XRN1: variants seen among roughly 807,000 people sequenced by gnomAD.
XRN1 encodes the protein 5'-3' exoribonuclease 1.
Under a neutral mutation model 222.3 loss-of-function variants are expected in XRN1, and 67 were observed. The ratio of observed to expected loss-of-function variants is 0.30; its 90% CI spans 0.25 to 0.37. XRN1 has a LOEUF of 0.37. XRN1 is among the 10% of genes least tolerant of loss of function. The pLI, the probability that XRN1 is intolerant of heterozygous loss-of-function variation, is 1.00. For synonymous variants in XRN1, 643 were observed against 652.4 expected (o/e 0.99, Z 0.22); for missense variants, 1,707 against 2,000.2 (o/e 0.85, Z 2.80).
At chr3:142,349,743 G>T (rs144930500) in intron 32 of XRN1, among the ~76,000 whole-genome samples, 1 of 152,140 alleles carries the variant, frequency 6.6e-6, no homozygotes, top group African/African-American at 2.4e-5. Context: ...TGCTCATCAG[G>T]TTAGGCTGCT....
At chr3:142,331,942 CTT>C (rs1286016891) in intron 36 of XRN1, among the ~76,000 whole-genome samples, 2 of 151,998 alleles carry the variant, frequency 1.3e-5, no homozygotes, top group Non-Finnish European at 2.9e-5. Context: ...ACCTAGCTAA[CTT>C]TTGTATTTTT....
intron 27 of XRN1, among the ~76,000 whole-genome samples, chr3:142,368,507 G>A (rs2066888505): frequency 6.6e-6 from 1 of 152,190 alleles, no homozygotes; most frequent in Admixed American, 6.5e-5. Flanking sequence ...CGTTGTATAT[G>A]TATCTTCCAT....
At chr3:142,315,877 A>G (rs1270019209) in intron 39 of XRN1, among the ~76,000 whole-genome samples, 3 of 152,200 alleles carry the variant, frequency 2.0e-5, no homozygotes, top group East Asian at 1.9e-4. Flanking sequence ...ACTGTTTTAG[A>G]TATTTCCACA....
intron 30 of XRN1, among the ~76,000 whole-genome samples, chr3:142,358,351 T>G (rs2066520163): frequency 6.6e-6 from 1 of 152,210 alleles, no homozygotes; most frequent in Non-Finnish European, 1.5e-5. Context: ...CTTCTCTTGT[T>G]AAGTTTTCAA....
chr3:142,354,756 C>G (rs1033688729), intron 32 of XRN1, among the ~76,000 whole-genome samples: 4 of 152,084 alleles, frequency 2.6e-5, no homozygotes, highest in Non-Finnish European at 5.9e-5. Flanking sequence ...GTCTCGAACT[C>G]CTGACCTCCA....
chr3:142,430,415 G>A (rs2069472601), intron 2 of XRN1, among the ~76,000 whole-genome samples: 1 of 152,094 alleles, frequency 6.6e-6, no homozygotes, highest in African/African-American at 2.4e-5. Flanking sequence ...AAATACCAGG[G>A]GAGTATGGTA....
intron 40 of XRN1, among the ~76,000 whole-genome samples, 178 bp from the exon 41 acceptor site, chr3:142,311,991 A>G (rs1321934193): frequency 6.6e-6 from 1 of 152,184 alleles, no homozygotes; most frequent in Non-Finnish European, 1.5e-5. Flanking sequence ...CAAACAAAAT[A>G]TTTAAAATTC....
chr3:142,345,311 T>C (rs1382134256), intron 33 of XRN1, among the ~76,000 whole-genome samples: 1 of 152,146 alleles, frequency 6.6e-6, no homozygotes, highest in East Asian at 1.9e-4. Flanking sequence ...AGTAGTCTTT[T>C]TAACAAACAA....
rs561495063 is a variant in XRN1 at position 142,312,896 on chromosome 3, A to T, written c.4622-138T>A. The T allele has an allele frequency of 8.4e-6, 8 of 954,956 alleles. No individual in the cohort carries two copies. In the African/African-American group the frequency reaches 1.2e-4, roughly 14 times the overall value. The allele number at this position is 954,956 out of a possible 1,614,324, so 59.2% of individuals were successfully genotyped here. ...AAGGCCTACACTTACTTCACCTATA[A>T]TTACTCTTCCTTACAACATTCAACC... is the stretch of plus-strand genomic sequence containing the variant. On this transcript the variant is annotated intron_variant, in intron 39 of 40. Coordinates refer to ENST00000392981, the MANE Select transcript of XRN1 (RefSeq NM_001282857.2).
chr3:142,441,868 G>A (rs1051436834), intron 1 of XRN1, among the ~76,000 whole-genome samples: 7 of 152,192 alleles, frequency 4.6e-5, no homozygotes, highest in African/African-American at 9.7e-5. Context: ...AGGTTCCCTT[G>A]ACGGATCCTG....
intron 1 of XRN1, among the ~76,000 whole-genome samples, chr3:142,441,470 T>C: frequency 6.6e-6 from 1 of 152,196 alleles, no homozygotes; most frequent in Admixed American, 6.5e-5. Context: ...TAGGAGTCCT[T>C]ACACAGGTCC....
chr3:142,332,647 G>C, intron 35 of XRN1, 113 bp from the exon 36 acceptor site: 1 of 1,004,824 alleles, frequency 1.0e-6, no homozygotes, highest in Non-Finnish European at 1.4e-6. Context: ...TAACAATTAA[G>C]ACATTAACTA....
At chr3:142,405,937 G>A (rs945376766) in intron 15 of XRN1, among the ~76,000 whole-genome samples, 1 of 151,912 alleles carries the variant, frequency 6.6e-6, no homozygotes, top group African/African-American at 2.4e-5. Flanking sequence ...CAGCCTTAAG[G>A]GGAAAGACAT....
At position 142,370,527 on chromosome 3, in the gene XRN1, T is replaced by C. The variant is rs772895207; in HGVS notation, c.3162A>G (p.Ala1054=). 1 of 1,607,682 alleles carries C rather than the reference T, an allele frequency of 6.2e-7. No homozygotes were observed. The highest frequency in any genetic ancestry group is 1.1e-5 in the South Asian group (1 of 89,524). Residue 1054 remains alanine, a synonymous_variant, in exon 27 of 41, where the codon GCA becomes GCG. Transcript: ENST00000392981. ...CTTCCTCAATTTTCTCAACAATAGC[T>C]GCATCCAGAATTTGTAAATCACAAG... is the stretch of plus-strand genomic sequence containing the variant. ...RSSCDLQILD[A]AIVEKIEEEV...
At chr3:142,411,968 G>T (rs534436933) in intron 15 of XRN1, among the ~76,000 whole-genome samples, 1 of 151,794 alleles carries the variant, frequency 6.6e-6, no homozygotes. Context: ...GACTACAGGC[G>T]CCCGCCACCT....
intron 37 of XRN1, among the ~76,000 whole-genome samples, chr3:142,324,253 C>T (rs185037810): frequency 1.6e-5 from 2 of 122,860 alleles, no homozygotes; most frequent in African/African-American, 6.0e-5. Flanking sequence ...CCCCTCCCCC[C>T]ACCCACAACA....
chr3:142,365,245 T>A, intron 28 of XRN1, 65 bp downstream of exon 28: 1 of 1,579,990 alleles, frequency 6.3e-7, no homozygotes, highest in Non-Finnish European at 8.6e-7. Context: ...ACTGAAAACA[T>A]CTTTGCTCCT....
intron 13 of XRN1, among the ~76,000 whole-genome samples, 181 bp downstream of exon 13, chr3:142,416,959 G>A (rs896376015): frequency 2.7e-5 from 4 of 150,434 alleles, no homozygotes; most frequent in African/African-American, 4.9e-5. Context: ...AACCCAGGAG[G>A]CGGAGATTGC....
In XRN1 at chr3:142,403,679, C is replaced by T; in HGVS notation, c.2098G>A (p.Glu700Lys). 5.0e-6 allele frequency: 8 copies of T among 1,612,166 alleles called. No individual in the cohort carries two copies. Among genetic ancestry groups the T allele is most frequent in the Non-Finnish European group, 6.8e-6 (8 of 1,178,732 alleles). ...ATGATAAATAAAATACTTACAAGTTCATCTGATTCTGCATCCACTAAGATT... is the reference window on the plus strand; with the variant it reads ...ATGATAAATAAAATACTTACAAGTTTATCTGATTCTGCATCCACTAAGATT... ...LEILVDAESD[E>K]LTVENVASSV... The change falls in exon 18 of 41, where the codon GAA becomes AAA. Residue 700 changes from glutamate (E) to lysine (K), a missense_variant. Physicochemically the swap from Glu to Lys is moderately conservative, Grantham distance 56 (BLOSUM62 1). This residue lies in a region of XRN1 where 1,234 missense variants were observed against 1,518.2 expected (regional missense o/e 0.81). Transcript: ENST00000392981.
Sources: allele counts gnomAD v4.1 joint callset (sites outside exome capture counted in the v4.1 genomes callset), GRCh38; gene constraint gnomAD v4.1.1; regional missense constraint gnomAD v4.1.1; transcripts MANE v1.5; gene names NCBI Gene and HGNC (gene_info 2026-07-23, HGNC 2026-07-21).